RECQL5: variants seen among roughly 807,000 people sequenced by gnomAD.
The protein encoded by RECQL5 is RecQ like helicase 5.
A neutral mutation model predicts 103.4 loss-of-function variants in RECQL5; 88 were observed. The ratio of observed to expected loss-of-function variants is 0.85; its 90% CI spans 0.72 to 1.02. The LOEUF (loss-of-function observed/expected upper bound fraction) is 1.02. Among genes scored for constraint, RECQL5 ranks in the 50% least tolerant of loss-of-function variants. RECQL5 has a pLI of 0.00. For missense variants in RECQL5, 1,232 were observed against 1,284.3 expected, an observed-to-expected ratio of 0.96 and a Z score of 0.62; for synonymous variants, 552 against 507.9, an observed-to-expected ratio of 1.09 and a Z score of -1.17.
At chr17:75,633,445 C>G in intron 8 of RECQL5, 2 of 1,289,104 alleles carry the variant, frequency 1.6e-6, no homozygotes, top group Non-Finnish European at 2.0e-6. Flanking sequence ...ACAGCCCCAG[C>G]AGAAGGCCCT....
At chr17:75,628,602 A>G (rs1436970714) in intron 17 of RECQL5, 70 bp downstream of exon 17, 6 of 1,513,096 alleles carry the variant, frequency 4.0e-6, no homozygotes, top group African/African-American at 1.4e-5. Context: ...CCCCTTGAGC[A>G]GGGCACAACA....
intron 2 of RECQL5, among the ~76,000 whole-genome samples, chr17:75,665,882 T>C (rs974199047): frequency 3.3e-5 from 5 of 152,170 alleles, no homozygotes; most frequent in Non-Finnish European, 7.3e-5. Context: ...GCAACTTCCA[T>C]TTGTCACCGT....
At chr17:75,628,545 C>T in intron 17 of RECQL5, 103 bp from the exon 18 acceptor site, 2 of 1,519,866 alleles carry the variant, frequency 1.3e-6, no homozygotes, top group Non-Finnish European at 1.8e-6. Context: ...TCTCTCCAGC[C>T]CAGCCCATCT....
In RECQL5 at chr17:75,640,557, G is replaced by T. The variant is rs144509226; in HGVS notation, c.1230-8889C>A. Among the ~76,000 whole-genome samples the T allele has an allele frequency of 6.6e-6, 1 of 152,180 alleles. No homozygotes were observed. The highest frequency in any genetic ancestry group is 6.5e-5 in the Admixed American group (1 of 15,280). Reference sequence around the variant, plus strand: ...AGCAGTACCCCGGGATCCCAAACGCGGGGATGACGGGAGCCAGGCTTGGGC... The same window carrying T: ...AGCAGTACCCCGGGATCCCAAACGCTGGGATGACGGGAGCCAGGCTTGGGC... On this transcript the variant is annotated intron_variant, in intron 8 of 19. Transcript: ENST00000317905. The surrounding 1 kb of genome is among the most constrained non-coding windows in gnomAD (Gnocchi z 4.6).
intron 7 of RECQL5, among the ~76,000 whole-genome samples, chr17:75,654,353 C>A (rs955554142): frequency 3.9e-5 from 6 of 152,172 alleles, no homozygotes; most frequent in African/African-American, 1.4e-4. Flanking sequence ...TCTTCTGCCC[C>A]CTAGTGCAAT....
At position 75,630,333 on chromosome 17, in the gene RECQL5, C is replaced by T. The variant is rs904642163; in HGVS notation, c.1719-56G>A. 6.5e-5 allele frequency: 95 copies of T among 1,455,632 alleles called. 1 individual carries two copies. The Admixed American group carries it at 2.1e-3, about 33-fold the overall frequency. 90.2% of individuals were successfully genotyped at this position (1,455,632 alleles called of 1,614,324 possible). On this transcript the variant is annotated intron_variant, in intron 13 of 19. Transcript: ENST00000317905. ...TCAGGTGGGCCTGGGCTTCTCCCTG[C>T]TGAGCTCTTGCGGGACTCCAGGCCT...
At position 75,660,964 on chromosome 17, in the gene RECQL5, G is replaced by A; in HGVS notation, c.977C>T (p.Ala326Val). The change falls in exon 6 of 20, where the codon GCC (alanine) becomes GTC (valine). Residue 326 changes from alanine (A) to valine (V), a missense_variant. Coordinates refer to ENST00000317905, the MANE Select transcript of RECQL5 (RefSeq NM_004259.7). The stretch of plus-strand genomic sequence containing the variant: ...AAGAACCAAAGCTCACCTGACATTG[G>A]CTTTATCCACTCCCATCCCAAAACT... ...TISFGMGVDK[A>V]NVRFVAHWNI... The A allele has an allele frequency of 6.2e-7, 1 of 1,612,876 alleles. No individual in the cohort carries two copies. The highest frequency in any genetic ancestry group is 8.5e-7 in the Non-Finnish European group (1 of 1,178,830).
Position 75,630,848 on chromosome 17 carries a change from G to GGGC in RECQL5, c.1586-12_1586-11insGCC. The GGGC allele has an allele frequency of 6.9e-7, 1 of 1,457,010 alleles. No homozygotes were observed. The highest frequency in any genetic ancestry group is 2.1e-5 in the Admixed American group (1 of 46,882). The allele number at this position is 1,457,010 out of a possible 1,614,324, so 90.3% of individuals were successfully genotyped here. A position where few individuals can be genotyped will look rare whatever the true frequency, so the allele number is the denominator to read the frequency against. Reference sequence around the variant, plus strand: ...GGGGACAGTTCTCATCTGTGGGGGGGGGGGGTGGTCCTTGGTCCTTTCGCT... The same window carrying GGGC: ...GGGGACAGTTCTCATCTGTGGGGGGGGGCGGGGGTGGTCCTTGGTCCTTTCGCT... On this transcript the variant is annotated splice_polypyrimidine_tract_variant and intron_variant, in intron 11 of 19. Coordinates refer to ENST00000317905, the MANE Select transcript of RECQL5 (RefSeq NM_004259.7).
rs56158987 is a variant in RECQL5, at chr17:75,630,842, G to GTGTGT, written c.1586-6_1586-5insACACA. 5.6e-6 allele frequency: 7 copies of GTGTGT among 1,255,404 alleles called. 1 individual carries two copies. Among genetic ancestry groups the GTGTGT allele is most frequent in the Admixed American group, 5.8e-5 (2 of 34,496 alleles). The allele number at this position is 1,255,404 out of a possible 1,614,324, so 77.8% of individuals were successfully genotyped here. A position where few individuals can be genotyped will look rare whatever the true frequency, so the allele number is the denominator to read the frequency against. The stretch of plus-strand genomic sequence containing the variant: ...CTTTCAGGGGACAGTTCTCATCTGT[G>GTGTGT]GGGGGGGGGGGTGGTCCTTGGTCCT... On this transcript the variant is annotated splice_region_variant and splice_polypyrimidine_tract_variant and intron_variant, in intron 11 of 19. Coordinates refer to ENST00000317905, the MANE Select transcript of RECQL5 (RefSeq NM_004259.7).
At chr17:75,665,486 T>C (rs369072019) in intron 2 of RECQL5, among the ~76,000 whole-genome samples, 2 of 152,030 alleles carry the variant, frequency 1.3e-5, no homozygotes, top group African/African-American at 2.4e-5. Flanking sequence ...GGGCAAGAGT[T>C]TGAGACCAGC....
intron 8 of RECQL5, chr17:75,647,838 G>T: frequency 2.7e-6 from 1 of 372,998 alleles, no homozygotes; most frequent in Non-Finnish European, 5.1e-6. Flanking sequence ...TGGAGAGGAT[G>T]GCTCCACTGC....
At chr17:75,657,248 A>G (rs1019126956) in intron 7 of RECQL5, among the ~76,000 whole-genome samples, 3 of 152,152 alleles carry the variant, frequency 2.0e-5, no homozygotes, top group Non-Finnish European at 4.4e-5. Flanking sequence ...AGCCAGGTGC[A>G]GTGGCACATG....
In RECQL5 at chr17:75,629,834, A is replaced by C. The variant is rs765709208; in HGVS notation, c.1821T>G (p.Asp607Glu). The C allele has an allele frequency of 6.2e-7, 1 of 1,607,896 alleles. No individual in the cohort carries two copies. Reference protein sequence around the residue: ...YKASVLKKVADIHRASKDGQP... With the variant: ...YKASVLKKVAEIHRASKDGQP... ...GCCCATCCTTGGAGGCTCTGTGGATATCGGCCACCTGGGCAGGGATAGGCA... is the reference window on the plus strand; with the variant it reads ...GCCCATCCTTGGAGGCTCTGTGGATCTCGGCCACCTGGGCAGGGATAGGCA... Residue 607 changes from aspartate (D) to glutamate (E), a missense_variant, in exon 15 of 20, where the codon GAT (aspartate) becomes GAG (glutamate). Asp to Glu is a conservative substitution (Grantham distance 45). Coordinates refer to ENST00000317905, the MANE Select transcript of RECQL5 (RefSeq NM_004259.7).
Position 75,630,177 on chromosome 17 carries a change from G to A in RECQL5, c.1812+7C>T, listed in dbSNP as rs968690297. The A allele has an allele frequency of 5.8e-6, 9 of 1,543,044 alleles. No homozygotes were observed. In the African/African-American group the frequency reaches 8.2e-5, roughly 14 times the overall value. On this transcript the variant is annotated splice_region_variant and intron_variant, in intron 14 of 19. Coordinates refer to ENST00000317905, the MANE Select transcript of RECQL5 (RefSeq NM_004259.7). The stretch of plus-strand genomic sequence containing the variant: ...AACGACCCTGGGTCCGCCTGCACCA[G>A]GCCCACCTTCTTCAGCACGCTGGCC...
chr17:75,627,578 C>T (rs1568251769), intron 19 of RECQL5, 45 bp downstream of exon 19: 1 of 1,613,144 alleles, frequency 6.2e-7, no homozygotes, highest in Non-Finnish European at 8.5e-7. Context: ...TCCCTGTAGA[C>T]CACCCTCCCA....
intron 8 of RECQL5, chr17:75,639,096 T>A (rs2059383055): frequency 6.6e-6 from 1 of 152,264 alleles, no homozygotes; most frequent in African/African-American, 2.4e-5. Context: ...GAGGGCCCCG[T>A]TCGATGACCT....
chr17:75,650,994 C>A, intron 8 of RECQL5, 192 bp downstream of exon 8: 1 of 1,506,036 alleles, frequency 6.6e-7, no homozygotes, highest in South Asian at 1.3e-5. Context: ...CCCCACACTG[C>A]GAGAGATCCC....
At chr17:75,634,181 C>T in intron 8 of RECQL5, 1 of 985,510 alleles carries the variant, frequency 1.0e-6, no homozygotes, top group Non-Finnish European at 1.2e-6. Flanking sequence ...TGCTGCTCAG[C>T]CCCCAACACC....
chr17:75,650,775 A>G, intron 8 of RECQL5: 1 of 1,579,584 alleles, frequency 6.3e-7, no homozygotes, highest in Non-Finnish European at 8.6e-7. Flanking sequence ...CCCCGAGGTA[A>G]GTGGGGCCAC....
Sources: allele counts gnomAD v4.1 joint callset (sites outside exome capture counted in the v4.1 genomes callset), GRCh38; gene constraint gnomAD v4.1.1; non-coding constraint Gnocchi (gnomAD v3.1); transcripts MANE v1.5; gene names NCBI Gene and HGNC (gene_info 2026-07-23, HGNC 2026-07-21).